The following PLCB1 variants were observed in gnomAD, a reference collection of about 807,000 sequenced individuals.
PLCB1 encodes the protein phospholipase C beta 1.
A neutral mutation model predicts 161.8 loss-of-function variants in PLCB1; 46 were observed. The observed-to-expected ratio is 0.28, with a 90% CI of 0.22 to 0.36. The LOEUF (loss-of-function observed/expected upper bound fraction) is 0.36. PLCB1 is among the 10% of genes least tolerant of loss of function. The pLI is 1.00. For missense variants in PLCB1, 1,016 were observed against 1,472.5 expected, an observed-to-expected ratio of 0.69 and a Z score of 5.07; for synonymous variants, 517 against 503.7, an observed-to-expected ratio of 1.03 and a Z score of -0.35.
chr20:8,350,263 C>A (rs1279913949), intron 2 of PLCB1, among the ~76,000 whole-genome samples: 2 of 152,074 alleles, frequency 1.3e-5, no homozygotes, highest in Non-Finnish European at 2.9e-5. Flanking sequence ...TGGATAGGCC[C>A]CAGAGTGTGG....
chr20:8,657,355 G>A, intron 8 of PLCB1, 71 bp downstream of exon 8: 1 of 880,352 alleles, frequency 1.1e-6, no homozygotes, highest in Non-Finnish European at 1.9e-6. Flanking sequence ...AGCAGGACTT[G>A]GAGTGGTAAT....
At chr20:8,373,627 A>C (rs1353996460) in intron 3 of PLCB1, among the ~76,000 whole-genome samples, 1 of 152,202 alleles carries the variant, frequency 6.6e-6, no homozygotes, top group Non-Finnish European at 1.5e-5. Flanking sequence ...TTTGAGCACC[A>C]CTGCCTTAAC....
intron 3 of PLCB1, among the ~76,000 whole-genome samples, chr20:8,482,810 A>G (rs1313969474): frequency 6.6e-6 from 1 of 152,228 alleles, no homozygotes; most frequent in East Asian, 1.9e-4. Flanking sequence ...ACTTATGCTC[A>G]AAACACAATC....
chr20:8,609,648 G>T (rs1017960474), intron 3 of PLCB1, among the ~76,000 whole-genome samples: 1 of 151,876 alleles, frequency 6.6e-6, no homozygotes, highest in African/African-American at 2.4e-5. Context: ...TTTACACATG[G>T]TTCTTTTTTT....
At chr20:8,840,220 C>T (rs1986447569) in intron 31 of PLCB1, among the ~76,000 whole-genome samples, 2 of 152,254 alleles carry the variant, frequency 1.3e-5, no homozygotes, top group East Asian at 3.9e-4. Flanking sequence ...ATTAATGGGT[C>T]TCTTCCTAGA....
chr20:8,872,517 A>G (rs1343621044), intron 31 of PLCB1, among the ~76,000 whole-genome samples: 1 of 152,184 alleles, frequency 6.6e-6, no homozygotes, highest in Non-Finnish European at 1.5e-5. Context: ...TTGTTTGTCT[A>G]TAGGTGTCAG....
rs1014738999 is a variant in PLCB1, at chr20:8,594,468, A to T, written c.247-33826A>T. On this transcript the variant is annotated intron_variant, in intron 3 of 31. Coordinates refer to ENST00000338037, the MANE Select transcript of PLCB1 (RefSeq NM_015192.4). ...CTGGTTAAAATGCAGAACCTGATGA[A>T]GTAGGTTAGGGGCGGTCCTGAGATT... is the stretch of plus-strand genomic sequence containing the variant. 5.9e-5 allele frequency among the ~76,000 whole-genome samples: 9 copies of T among 152,288 alleles called. No individual in the cohort carries two copies. The Middle Eastern group carries it at 0.014, about 230-fold the overall frequency.
intron 2 of PLCB1, among the ~76,000 whole-genome samples, chr20:8,154,440 G>A (rs2051539712): frequency 6.6e-6 from 1 of 152,140 alleles, no homozygotes; most frequent in Non-Finnish European, 1.5e-5. Context: ...GCTGTGTGTA[G>A]CCCTCTCTGG....
chr20:8,295,713 T>A (rs1983596511), intron 2 of PLCB1, among the ~76,000 whole-genome samples: 1 of 152,046 alleles, frequency 6.6e-6, no homozygotes, highest in South Asian at 2.1e-4. Context: ...TATATCCTCT[T>A]TTTTATTATT....
intron 2 of PLCB1, among the ~76,000 whole-genome samples, chr20:8,191,079 G>A (rs1271415532): frequency 2.6e-5 from 4 of 151,928 alleles, no homozygotes; most frequent in Non-Finnish European, 5.9e-5. Flanking sequence ...ATTTTGAGCT[G>A]AATACCTTTA....
chr20:8,565,459 G>A (rs6055903), intron 3 of PLCB1, among the ~76,000 whole-genome samples: 14,988 of 151,300 alleles, frequency 0.099, 963 homozygotes, highest in East Asian at 0.16. Flanking sequence ...CACATTCTGC[G>A]CATGTACTTA....
intron 3 of PLCB1, among the ~76,000 whole-genome samples, chr20:8,553,508 T>C (rs1217841681): frequency 1.3e-5 from 2 of 152,200 alleles, no homozygotes; most frequent in Non-Finnish European, 2.9e-5. Context: ...TCTTATTATG[T>C]AAGCATACAA....
At chr20:8,217,281 G>A (rs1357142411) in intron 2 of PLCB1, among the ~76,000 whole-genome samples, 1 of 152,142 alleles carries the variant, frequency 6.6e-6, no homozygotes, top group Non-Finnish European at 1.5e-5. Flanking sequence ...TGCAATAAGT[G>A]CAGTGAAACC....
At chr20:8,186,301 A>G (rs955444377) in intron 2 of PLCB1, among the ~76,000 whole-genome samples, 9 of 152,190 alleles carry the variant, frequency 5.9e-5, no homozygotes, top group Non-Finnish European at 1.2e-4. Context: ...GATTATTTAT[A>G]CATTTTTCCT....
At chr20:8,662,190 TATTA>T (rs1989672954) in intron 9 of PLCB1, among the ~76,000 whole-genome samples, 1 of 79,042 alleles carries the variant, frequency 1.3e-5, no homozygotes, top group African/African-American at 5.5e-5. Flanking sequence ...TATAATTATT[TATTA>T]TATAATTCTA....
intron 3 of PLCB1, among the ~76,000 whole-genome samples, chr20:8,424,890 G>A (rs376927930): frequency 1.1e-3 from 174 of 152,260 alleles, no homozygotes; most frequent in African/African-American, 4.0e-3. Flanking sequence ...GAATGGACTC[G>A]AGCCACAAGC....
At position 8,224,885 on chromosome 20, in the gene PLCB1, A is replaced by C. The variant is rs530985433; in HGVS notation, c.177+74514A>C. 7.9e-5 allele frequency among the ~76,000 whole-genome samples: 12 copies of C among 152,306 alleles called. No homozygotes were observed. In the East Asian group the frequency reaches 2.3e-3, roughly 29 times the overall value. On this transcript the variant is annotated intron_variant, in intron 2 of 31. Coordinates refer to ENST00000338037, the MANE Select transcript of PLCB1 (RefSeq NM_015192.4). ...TTTTGAACTTCATATACACGGAATCACAGTGTGTACTCATTTATATCATGG... is the reference window on the plus strand; with the variant it reads ...TTTTGAACTTCATATACACGGAATCCCAGTGTGTACTCATTTATATCATGG...
chr20:8,236,448 G>A (rs572229367), intron 2 of PLCB1, among the ~76,000 whole-genome samples: 66 of 152,102 alleles, frequency 4.3e-4, no homozygotes, highest in Admixed American at 3.6e-3. Context: ...CGGGAGGATC[G>A]CTTGAGCCCA....
intron 2 of PLCB1, chr20:8,249,779 G>A (rs1313843714): frequency 6.6e-6 from 1 of 151,934 alleles, no homozygotes; most frequent in Non-Finnish European, 1.5e-5. Context: ...ACCCCAGTGA[G>A]CCCCATAAGC....
Sources: allele counts gnomAD v4.1 joint callset (sites outside exome capture counted in the v4.1 genomes callset), GRCh38; gene constraint gnomAD v4.1.1; transcripts MANE v1.5; gene names NCBI Gene and HGNC (gene_info 2026-07-23, HGNC 2026-07-21).